The following NRXN1 variants were observed in gnomAD, a reference collection of about 807,000 sequenced individuals.
The protein encoded by NRXN1 is neurexin 1.
A neutral mutation model predicts 150.9 loss-of-function variants in NRXN1; 39 were observed. That is an observed-to-expected ratio of 0.26 (90% CI 0.20 to 0.34). The LOEUF (loss-of-function observed/expected upper bound fraction) is 0.34. Ranked by LOEUF, NRXN1 falls within the 10% of genes least tolerant of loss-of-function variation. The probability of loss-of-function intolerance (pLI) is 1.00; values close to 1 mark genes in which losing one functional copy is unlikely to be tolerated. For synonymous variants in NRXN1, 924 were observed against 757.0 expected, an observed-to-expected ratio of 1.22 and a Z score of -3.62; for missense variants, 1,815 against 1,949.9, an observed-to-expected ratio of 0.93 and a Z score of 1.30.
intron 18 of NRXN1, among the ~76,000 whole-genome samples, chr2:50,110,893 T>C (rs1448172972): frequency 6.6e-6 from 1 of 152,198 alleles, no homozygotes; most frequent in Non-Finnish European, 1.5e-5. Context: ...ATAAACTGAG[T>C]TTCCTTTTAG....
chr2:50,590,187 G>T (rs1346590824), intron 8 of NRXN1, among the ~76,000 whole-genome samples: 1 of 152,150 alleles, frequency 6.6e-6, no homozygotes, highest in Non-Finnish European at 1.5e-5. Flanking sequence ...CTTACATGCA[G>T]TTTTAAATCA....
At chr2:50,189,566 A>G (rs2061322750) in intron 18 of NRXN1, among the ~76,000 whole-genome samples, 1 of 152,118 alleles carries the variant, frequency 6.6e-6, no homozygotes, top group African/African-American at 2.4e-5. Flanking sequence ...CTTAGCTAGT[A>G]TATTTCATAT....
intron 2 of NRXN1, among the ~76,000 whole-genome samples, chr2:51,003,592 A>C (rs1430280791): frequency 6.6e-6 from 1 of 152,050 alleles, no homozygotes; most frequent in African/African-American, 2.4e-5. Flanking sequence ...TTCTAATTGA[A>C]AAAAGGCAGA....
chr2:50,701,239 G>T (rs1044205414), intron 5 of NRXN1, among the ~76,000 whole-genome samples: 3 of 151,932 alleles, frequency 2.0e-5, no homozygotes, highest in African/African-American at 7.3e-5. Flanking sequence ...CATCATCTCT[G>T]TCTCTTATCT....
intron 17 of NRXN1, among the ~76,000 whole-genome samples, chr2:50,412,395 T>C (rs1473786891): frequency 6.6e-6 from 1 of 151,902 alleles, no homozygotes; most frequent in Non-Finnish European, 1.5e-5. Context: ...CCTTTTAAAA[T>C]ACATATTCAT....
At chr2:50,734,290 T>C (rs908658502) in intron 5 of NRXN1, among the ~76,000 whole-genome samples, 1 of 152,140 alleles carries the variant, frequency 6.6e-6, no homozygotes, top group African/African-American at 2.4e-5. Flanking sequence ...AAGCACTCTT[T>C]TAAGGTAGCA....
At chr2:50,932,271 C>G (rs144898021) in intron 2 of NRXN1, among the ~76,000 whole-genome samples, 18 of 151,956 alleles carry the variant, frequency 1.2e-4, no homozygotes, top group Non-Finnish European at 5.9e-5. Context: ...GCCTGTAATC[C>G]CAGCTACTCA....
chr2:50,696,728 C>G (rs987783374), intron 5 of NRXN1, among the ~76,000 whole-genome samples: 3 of 152,118 alleles, frequency 2.0e-5, no homozygotes, highest in Admixed American at 1.3e-4. Context: ...TTAAGAATAC[C>G]TGAATTTTCA....
At chr2:50,814,974 T>C (rs896365000) in intron 5 of NRXN1, among the ~76,000 whole-genome samples, 1 of 152,128 alleles carries the variant, frequency 6.6e-6, no homozygotes, top group African/African-American at 2.4e-5. Flanking sequence ...TAAGGAGCTA[T>C]ATAGAGAATT....
intron 5 of NRXN1, among the ~76,000 whole-genome samples, chr2:50,901,350 A>G (rs1260755068): frequency 6.6e-6 from 1 of 152,084 alleles, no homozygotes; most frequent in Non-Finnish European, 1.5e-5. Flanking sequence ...CCTGGCTAAC[A>G]TGGTGAAAAC....
chr2:50,886,416 T>G, intron 5 of NRXN1, among the ~76,000 whole-genome samples: 1 of 151,430 alleles, frequency 6.6e-6, no homozygotes, highest in East Asian at 1.9e-4. Flanking sequence ...TTGTTTTATA[T>G]AATATTGTGG....
intron 17 of NRXN1, among the ~76,000 whole-genome samples, chr2:50,282,864 A>G (rs1228997597): frequency 1.3e-5 from 2 of 152,166 alleles, no homozygotes; most frequent in African/African-American, 4.8e-5. Context: ...ATATGTATCA[A>G]TTAACAATAT....
intron 5 of NRXN1, among the ~76,000 whole-genome samples, chr2:50,741,974 C>T (rs1393583289): frequency 2.6e-5 from 4 of 152,056 alleles, no homozygotes; most frequent in Non-Finnish European, 5.9e-5. Flanking sequence ...AAACAATATT[C>T]GCTTTAATAA....
chr2:50,699,314 C>T (rs372770499), intron 5 of NRXN1, among the ~76,000 whole-genome samples: 124 of 152,272 alleles, frequency 8.1e-4, no homozygotes, highest in African/African-American at 2.9e-3. Context: ...GCAAAGAAGT[C>T]CAAATCCTAA....
intron 12 of NRXN1, among the ~76,000 whole-genome samples, chr2:50,513,247 G>T (rs1281002260): frequency 1.3e-5 from 2 of 152,082 alleles, no homozygotes; most frequent in Admixed American, 6.6e-5. Flanking sequence ...AAGTAACAGT[G>T]CATGAGTTCT....
chr2:49,929,813 G>T (rs1029011718), intron 22 of NRXN1, among the ~76,000 whole-genome samples: 1 of 152,066 alleles, frequency 6.6e-6, no homozygotes, highest in Non-Finnish European at 1.5e-5. Flanking sequence ...GGTCCTGAGG[G>T]TATAGGAGAT....
chr2:50,775,202 G>C (rs1454002514), intron 5 of NRXN1, among the ~76,000 whole-genome samples: 1 of 152,016 alleles, frequency 6.6e-6, no homozygotes, highest in African/African-American at 2.4e-5. Flanking sequence ...AAATAATACT[G>C]TCTATCAGTT....
At chr2:50,413,480 G>T (rs2083329002) in intron 17 of NRXN1, among the ~76,000 whole-genome samples, 1 of 152,098 alleles carries the variant, frequency 6.6e-6, no homozygotes, top group South Asian at 2.1e-4. Flanking sequence ...ACTACAATGA[G>T]ATATCATCTC....
intron 17 of NRXN1, among the ~76,000 whole-genome samples, chr2:50,459,774 AT>A (rs2087969739): frequency 6.6e-6 from 1 of 152,060 alleles, no homozygotes; most frequent in African/African-American, 2.4e-5. Flanking sequence ...ATTCACTGTG[AT>A]TTATCTTCAG....
Sources: gnomAD v4.1 joint callset for allele counts (sites outside exome capture counted in the v4.1 genomes callset) on GRCh38, gnomAD v4.1.1 for gene constraint, MANE v1.5 for transcripts, NCBI Gene and HGNC (gene_info 2026-07-23, HGNC 2026-07-21) for gene names.